Variants in DNAJC27 observed in about 807,000 individuals in gnomAD.
DNAJC27 encodes the protein dnaJ homolog subfamily C member 27.
DNAJC27 carries 25 observed loss-of-function variants against 31.4 expected under a neutral mutation model. That is an observed-to-expected ratio of 0.80 (90% CI 0.58 to 1.11). The LOEUF (loss-of-function observed/expected upper bound fraction) is 1.11. DNAJC27 is among the 50% of genes most tolerant of loss of function. DNAJC27 has a pLI of 0.00. For synonymous variants in DNAJC27, 106 were observed against 112.7 expected, an observed-to-expected ratio of 0.94 and a Z score of 0.37; for missense variants, 356 against 347.3, an observed-to-expected ratio of 1.02 and a Z score of -0.20.
At chr2:24,968,144 C>T (rs957769758) in intron 1 of DNAJC27, among the ~76,000 whole-genome samples, 4 of 152,132 alleles carry the variant, frequency 2.6e-5, no homozygotes, top group African/African-American at 9.7e-5. Flanking sequence ...ATTGTACATA[C>T]TTCTAGAGTT....
At position 24,967,257 on chromosome 2, in the gene DNAJC27, C is replaced by T. The variant is rs368243966; in HGVS notation, c.124G>A (p.Val42Met). 2.2e-4 allele frequency: 363 copies of T among 1,613,762 alleles called. 2 individuals are homozygous for T. The South Asian group carries it at 3.7e-3, about 16-fold the overall frequency. Reference sequence around the variant, plus strand: ...CCAATTGTTGCCAGGTATTTAGACACGAATCTTTTCTCACAGTATCGCTTT... The same window carrying T: ...CCAATTGTTGCCAGGTATTTAGACATGAATCTTTTCTCACAGTATCGCTTT... Reference protein sequence around the residue: ...IIKRYCEKRFVSKYLATIGID... With the variant: ...IIKRYCEKRFMSKYLATIGID... Residue 42 changes from valine to methionine, a missense_variant, in exon 2 of 7, where the codon GTG (valine) becomes ATG (methionine). Transcript: ENST00000264711.
In DNAJC27 at chr2:24,957,035, T is replaced by C; in HGVS notation, c.528+8A>G. 1 of 1,603,634 alleles carries C rather than the reference T, an allele frequency of 6.2e-7. No individual in the cohort carries two copies. Among genetic ancestry groups the C allele is most frequent in the Non-Finnish European group, 8.5e-7 (1 of 1,176,606 alleles). ...CACAAACCTTAAAACAACAAAATGC[T>C]AGCTTACCTGGAACATCTCATTAAT... is the stretch of plus-strand genomic sequence containing the variant. On this transcript the variant is annotated splice_region_variant and intron_variant, in intron 5 of 6. Coordinates refer to ENST00000264711, the MANE Select transcript of DNAJC27 (RefSeq NM_016544.3).
chr2:24,971,238 C>G (rs564466300), intron 1 of DNAJC27, among the ~76,000 whole-genome samples: 1 of 152,304 alleles, frequency 6.6e-6, no homozygotes, highest in Non-Finnish European at 1.5e-5. Flanking sequence ...GTGGAACTAA[C>G]AGATATGGGG....
intron 6 of DNAJC27, among the ~76,000 whole-genome samples, chr2:24,950,026 AT>A (rs1665730105): frequency 6.6e-6 from 1 of 151,758 alleles, no homozygotes; most frequent in African/African-American, 2.4e-5. Context: ...TTGAAAAAAA[AT>A]AGGAAGACTC....
chr2:24,955,312 C>T (rs1380794770), intron 5 of DNAJC27, among the ~76,000 whole-genome samples: 1 of 152,130 alleles, frequency 6.6e-6, no homozygotes, highest in Non-Finnish European at 1.5e-5. Context: ...GGGAGTTTAA[C>T]AGTAGATTGT....
chr2:24,964,017 T>A (rs577096187), intron 2 of DNAJC27, among the ~76,000 whole-genome samples: 149 of 152,310 alleles, frequency 9.8e-4, no homozygotes, highest in African/African-American at 3.5e-3. Flanking sequence ...GGGGAAACAA[T>A]AACCATTCAT....
At chr2:24,967,166 T>G (rs1342822996) in intron 2 of DNAJC27, 45 bp downstream of exon 2, 1 of 1,487,658 alleles carries the variant, frequency 6.7e-7, no homozygotes, top group Non-Finnish European at 9.4e-7. Flanking sequence ...TGGAAAGTTC[T>G]GAACTTCTAT....
chr2:24,953,177 T>C (rs1004899667), intron 5 of DNAJC27, among the ~76,000 whole-genome samples: 4 of 152,212 alleles, frequency 2.6e-5, no homozygotes, highest in Non-Finnish European at 4.4e-5. Context: ...AATGGACATA[T>C]CTCCTCCTAA....
At chr2:24,960,235 C>G (rs763519345) in intron 3 of DNAJC27, among the ~76,000 whole-genome samples, 5 of 152,152 alleles carry the variant, frequency 3.3e-5, no homozygotes, top group Non-Finnish European at 5.9e-5. Context: ...ATATCTGTTA[C>G]TATTTTAAGT....
At position 24,946,335 on chromosome 2, in the gene DNAJC27, A is replaced by G. The variant is rs1478439533; in HGVS notation, c.*1281T>C. 1 of 152,268 alleles carries G rather than the reference A, an allele frequency of 6.6e-6. No individual in the cohort carries two copies. Among genetic ancestry groups the G allele is most frequent in the Non-Finnish European group, 1.5e-5 (1 of 68,088 alleles). 9.4% of individuals were successfully genotyped at this position (152,268 alleles called of 1,614,324 possible). On this transcript the variant is annotated 3_prime_UTR_variant, in exon 7 of 7. Coordinates refer to ENST00000264711, the MANE Select transcript of DNAJC27 (RefSeq NM_016544.3). ...AAGGATCCACACTTGCCTCTGATCA[A>G]CCAGATTCAGGCCAAGGCTTAGAAG... is the stretch of plus-strand genomic sequence containing the variant.
rs917597065 is a variant in DNAJC27 at position 24,952,929 on chromosome 2, C to CT, written c.529-1376dup. On this transcript the variant is annotated intron_variant, in intron 5 of 6. Transcript: ENST00000264711. Reference sequence around the variant, plus strand: ...TTTGCCCATTTTTACAATTTTTTTTCTTTTTTTTGAGACAGGGTCTCTCTA... The same window carrying CT: ...TTTGCCCATTTTTACAATTTTTTTTCTTTTTTTTTGAGACAGGGTCTCTCTA... Among the ~76,000 whole-genome samples the CT allele has an allele frequency of 1.3e-4, 20 of 150,816 alleles. No homozygotes were observed. In the South Asian group the frequency reaches 2.3e-3, roughly 17 times the overall value.
Position 24,947,703 on chromosome 2 carries a change from G to C in DNAJC27, c.735C>G (p.His245Gln). The C allele has an allele frequency of 6.2e-7, 1 of 1,613,716 alleles. No individual in the cohort carries two copies. Among genetic ancestry groups the C allele is most frequent in the South Asian group, 1.1e-5 (1 of 91,058 alleles). ...KAYRKLAVLL[H>Q]PDKCVAPGSE... ...TGCCAGGTGCTACACATTTGTCAGGGTGAAGAAGCACAGCAAGTTTCCGAT... is the reference window on the plus strand; with the variant it reads ...TGCCAGGTGCTACACATTTGTCAGGCTGAAGAAGCACAGCAAGTTTCCGAT... Residue 245 changes from histidine (H) to glutamine (Q), a missense_variant, in exon 7 of 7, where the codon CAC becomes CAG. His to Gln is a conservative substitution (Grantham distance 24, BLOSUM62 0). Coordinates refer to ENST00000264711, the MANE Select transcript of DNAJC27 (RefSeq NM_016544.3).
At chr2:24,970,218 T>C (rs979819392) in intron 1 of DNAJC27, among the ~76,000 whole-genome samples, 1 of 152,230 alleles carries the variant, frequency 6.6e-6, no homozygotes, top group Non-Finnish European at 1.5e-5. Context: ...ATAATTTTGC[T>C]TTATTGAATT....
At chr2:24,955,322 T>C (rs1665879125) in intron 5 of DNAJC27, among the ~76,000 whole-genome samples, 1 of 152,114 alleles carries the variant, frequency 6.6e-6, no homozygotes, top group South Asian at 2.1e-4. Context: ...CAGTAGATTG[T>C]CAGTGGTGAA....
intron 1 of DNAJC27, chr2:24,969,470 C>G (rs1180389325): frequency 5.6e-6 from 1 of 179,470 alleles, no homozygotes; most frequent in Non-Finnish European, 1.2e-5. Flanking sequence ...AAACCATCAT[C>G]ACAGTGAAAA....
chr2:24,951,061 A>G lies in DNAJC27; in HGVS notation c.689+333T>C, dbSNP rs1665763434. ...GAAATGTTTGACAAGTTGATTGCCAACGTGCTTTCCTCCTCTAACATTCTA... is the reference window on the plus strand; with the variant it reads ...GAAATGTTTGACAAGTTGATTGCCAGCGTGCTTTCCTCCTCTAACATTCTA... On this transcript the variant is annotated intron_variant, in intron 6 of 6. Coordinates refer to ENST00000264711, the MANE Select transcript of DNAJC27 (RefSeq NM_016544.3). Among the ~76,000 whole-genome samples, 3 of 152,210 alleles carry G rather than the reference A, an allele frequency of 2.0e-5. No homozygotes were observed. In the South Asian group the frequency reaches 6.2e-4, roughly 31 times the overall value.
intron 3 of DNAJC27, among the ~76,000 whole-genome samples, chr2:24,959,842 T>A (rs1419055366): frequency 6.6e-6 from 1 of 152,222 alleles, no homozygotes; most frequent in Admixed American, 6.5e-5. Context: ...TGTACTTTCA[T>A]AGTGCCATCA....
Position 24,947,516 on chromosome 2 carries a change from G to T in DNAJC27, c.*100C>A. 1 of 1,366,340 alleles carries T rather than the reference G, an allele frequency of 7.3e-7. No homozygotes were observed. Among genetic ancestry groups the T allele is most frequent in the Non-Finnish European group, 1.0e-6 (1 of 996,498 alleles). The allele number at this position is 1,366,340 out of a possible 1,614,324, so 84.6% of individuals were successfully genotyped here. A position where few individuals can be genotyped will look rare whatever the true frequency, so the allele number is the denominator to read the frequency against. On this transcript the variant is annotated 3_prime_UTR_variant, in exon 7 of 7. Coordinates refer to ENST00000264711, the MANE Select transcript of DNAJC27 (RefSeq NM_016544.3). ...AAATGACAACACATGAATGAAAAGAGCAGTGAGATTCTGGGAAGGAAAACT... is the reference window on the plus strand; with the variant it reads ...AAATGACAACACATGAATGAAAAGATCAGTGAGATTCTGGGAAGGAAAACT...
intron 2 of DNAJC27, among the ~76,000 whole-genome samples, chr2:24,966,799 T>C (rs1375534965): frequency 1.3e-5 from 2 of 151,576 alleles, no homozygotes; most frequent in South Asian, 4.3e-4. Flanking sequence ...CATAAACCAA[T>C]AAAAAAACTT....
Sources: gnomAD v4.1 joint callset for allele counts (sites outside exome capture counted in the v4.1 genomes callset) on GRCh38, gnomAD v4.1.1 for gene constraint, MANE v1.5 for transcripts, NCBI Gene and HGNC (gene_info 2026-07-23, HGNC 2026-07-21) for gene names.